The following COA1 variants were observed in gnomAD, a reference collection of about 807,000 sequenced individuals.
The protein encoded by COA1 is cytochrome c oxidase assembly factor 1, also known as cytochrome c oxidase assembly factor 1 homolog.
Under a neutral mutation model 16.0 loss-of-function variants are expected in COA1, and 13 were observed. That is an observed-to-expected ratio of 0.81 (90% CI 0.53 to 1.29). The LOEUF (loss-of-function observed/expected upper bound fraction) is 1.29, where lower values mean the gene tolerates loss of function less well. Ranked by LOEUF, COA1 falls within the 50% of genes most tolerant of loss-of-function variation. The pLI is 0.00. For synonymous variants in COA1, 65 were observed against 65.7 expected (o/e 0.99, Z 0.05); for missense variants, 179 against 177.0 (o/e 1.01, Z -0.06).
At chr7:43,708,587 T>G (rs1348273919) in intron 1 of COA1, among the ~76,000 whole-genome samples, 1 of 152,236 alleles carries the variant, frequency 6.6e-6, no homozygotes, top group East Asian at 1.9e-4. Context: ...TAATCTGCAT[T>G]TCTCTAATGA....
intron 6 of COA1, chr7:43,626,463 GCTTT>G (rs1430745658): frequency 5.3e-5 from 8 of 152,114 alleles, no homozygotes; most frequent in Non-Finnish European, 1.2e-4. Context: ...CACTAAATTG[GCTTT>G]ATTTATACAG....
intron 2 of COA1, chr7:43,647,893 G>A (rs1584365871): frequency 4.3e-6 from 2 of 460,178 alleles, no homozygotes; most frequent in South Asian, 6.4e-5. Context: ...AGCCAGCCCA[G>A]CACAGAGCGA....
intron 1 of COA1, among the ~76,000 whole-genome samples, chr7:43,705,204 T>C (rs547549761): frequency 1.2e-4 from 18 of 152,280 alleles, no homozygotes; most frequent in African/African-American, 4.3e-4. Context: ...CCCGGTCCAC[T>C]GGCAACAACA....
At chr7:43,616,151 C>CT (rs2083321948) in intron 6 of COA1, among the ~76,000 whole-genome samples, 1 of 152,206 alleles carries the variant, frequency 6.6e-6, no homozygotes, top group Admixed American at 6.5e-5. Flanking sequence ...CCTTCAGGGT[C>CT]TGCTCACATA....
chr7:43,706,598 G>A (rs907183490), intron 1 of COA1, among the ~76,000 whole-genome samples: 2 of 152,066 alleles, frequency 1.3e-5, no homozygotes, highest in Non-Finnish European at 2.9e-5. Context: ...GCCAGGTGCA[G>A]TGGCTCACAC....
intron 1 of COA1, among the ~76,000 whole-genome samples, chr7:43,657,846 A>C (rs923627123): frequency 2.6e-5 from 4 of 152,194 alleles, no homozygotes; most frequent in Non-Finnish European, 5.9e-5. Context: ...AAAATGGGCA[A>C]AAATGCTGAA....
At chr7:43,666,329 C>T (rs2092886667) in intron 1 of COA1, among the ~76,000 whole-genome samples, 1 of 152,174 alleles carries the variant, frequency 6.6e-6, no homozygotes. Context: ...AGGGATCTGT[C>T]TTTGCCTTCA....
chr7:43,661,682 C>T (rs1246395033), intron 1 of COA1, among the ~76,000 whole-genome samples: 1 of 151,602 alleles, frequency 6.6e-6, no homozygotes, highest in East Asian at 1.9e-4. Flanking sequence ...TACCAGTTTC[C>T]TAGATCACAA....
At chr7:43,705,314 T>C (rs1347866861) in intron 1 of COA1, among the ~76,000 whole-genome samples, 2 of 152,140 alleles carry the variant, frequency 1.3e-5, no homozygotes, top group Non-Finnish European at 2.9e-5. Context: ...TGTGGGCAAA[T>C]GCACACTGGC....
chr7:43,706,545 T>TTAAAAAA (rs1207911721), intron 1 of COA1, among the ~76,000 whole-genome samples: 28 of 149,494 alleles, frequency 1.9e-4, no homozygotes, highest in African/African-American at 5.9e-4. Context: ...AGAACACATC[T>TTAAAAAA]TAAAAAATAA....
chr7:43,669,436 T>A (rs1181229797), intron 1 of COA1, among the ~76,000 whole-genome samples: 3 of 152,170 alleles, frequency 2.0e-5, no homozygotes, highest in Non-Finnish European at 2.9e-5. Context: ...GCCTCACAGG[T>A]GCCTGGCAAC....
rs531772997 is a variant in COA1, at chr7:43,680,769, G to A, written c.-38-32117C>T. ...GAATCACTTGAGCCCAGGAGTTCGA[G>A]ACCAGCCTGGGCAACATGGCAAAAC... On this transcript the variant is annotated intron_variant, in intron 1 of 5. Coordinates refer to ENST00000223336, the MANE Select transcript of COA1 (RefSeq NM_018224.4). Among the ~76,000 whole-genome samples the A allele has an allele frequency of 2.6e-5, 4 of 152,274 alleles. No homozygotes were observed. The East Asian group carries it at 7.7e-4, about 29-fold the overall frequency.
At chr7:43,623,634 A>T (rs1726524844) in intron 6 of COA1, 1 of 1,608,724 alleles carries the variant, frequency 6.2e-7, no homozygotes, top group African/African-American at 1.3e-5. Flanking sequence ...AGAGTTATTA[A>T]TGAAAAATTG....
chr7:43,652,828 A>G (rs13222483), intron 1 of COA1, among the ~76,000 whole-genome samples: 22,008 of 150,408 alleles, frequency 0.15, 2,142 homozygotes, highest in Non-Finnish European at 0.21. Flanking sequence ...TCTGGGGATT[A>G]CATATCATCC....
intron 6 of COA1, among the ~76,000 whole-genome samples, chr7:43,614,740 G>T (rs1248417493): frequency 6.6e-6 from 1 of 152,112 alleles, no homozygotes; most frequent in African/African-American, 2.4e-5. Context: ...TTTTTAGAAA[G>T]TCTCTCACAT....
rs529455608 is a variant in COA1 at position 43,694,231 on chromosome 7, CA to C, written c.-39+35197del. 2.7e-3 allele frequency among the ~76,000 whole-genome samples: 406 copies of C among 147,698 alleles called. 1 individual carries two copies. The highest frequency in any genetic ancestry group is 9.4e-3 in the African/African-American group (378 of 40,168). On this transcript the variant is annotated intron_variant, in intron 1 of 5. Transcript: ENST00000223336. ...CTCTCTATATTAGTCACATCAGCATCAAAAACACTATAATAGCTCCCATCTT... is the reference window on the plus strand; with the variant it reads ...CTCTCTATATTAGTCACATCAGCATCAAAACACTATAATAGCTCCCATCTT...
intron 6 of COA1, chr7:43,633,348 C>T (rs887890137): frequency 1.3e-5 from 2 of 152,130 alleles, no homozygotes; most frequent in African/African-American, 4.8e-5. Flanking sequence ...AGTGAGAGGC[C>T]ACTGTGGGGT....
intron 4 of COA1, among the ~76,000 whole-genome samples, chr7:43,644,761 G>GATGGATAGATAGATAGATAGATA (rs59592633): frequency 1.1e-5 from 1 of 90,132 alleles, no homozygotes; most frequent in South Asian, 3.3e-4. Context: ...TAGATAGATA[G>GATGGATAGATAGATAGATAGATA]GCAGGCAGGC....
rs183178602 is a variant in COA1, at chr7:43,624,859, G to T, written c.*133+14590C>A. Reference sequence around the variant, plus strand: ...ATCTACTGAGCAATATTTCCCTTTAGAACTTCAAGATTTCTACATTGAAAA... The same window carrying T: ...ATCTACTGAGCAATATTTCCCTTTATAACTTCAAGATTTCTACATTGAAAA... On this transcript the variant is annotated intron_variant and NMD_transcript_variant, in intron 6 of 6. Transcript: ENST00000415076. 455 of 1,562,736 alleles carry T rather than the reference G, an allele frequency of 2.9e-4. 3 individuals are homozygous for T. The African/African-American group carries it at 5.9e-3, about 20-fold the overall frequency.
Sources: allele counts gnomAD v4.1 joint callset (sites outside exome capture counted in the v4.1 genomes callset), GRCh38; gene constraint gnomAD v4.1.1; transcripts MANE v1.5; gene names NCBI Gene and HGNC (gene_info 2026-07-23, HGNC 2026-07-21).